Variants in TNS3 observed in about 807,000 individuals in gnomAD.
TNS3 encodes the protein tensin 3.
A neutral mutation model predicts 140.9 loss-of-function variants in TNS3; 45 were observed. The observed-to-expected ratio is 0.32, with a 90% CI of 0.25 to 0.41. The LOEUF is 0.41. Ranked by LOEUF, TNS3 falls within the 10% of genes least tolerant of loss-of-function variation. The probability of loss-of-function intolerance (pLI) is 1.00; values close to 1 mark genes in which losing one functional copy is unlikely to be tolerated. For missense variants in TNS3, 1,716 were observed against 1,906.7 expected, an observed-to-expected ratio of 0.90 and a Z score of 1.86; for synonymous variants, 815 against 788.4, an observed-to-expected ratio of 1.03 and a Z score of -0.56.
intron 1 of TNS3, among the ~76,000 whole-genome samples, chr7:47,542,940 A>AG (rs1186550178): frequency 6.6e-6 from 1 of 151,642 alleles, no homozygotes; most frequent in Non-Finnish European, 1.5e-5. Flanking sequence ...AAAAAAAAAA[A>AG]AAGGCACTTT....
chr7:47,442,661 C>T (rs1795524108), intron 4 of TNS3, among the ~76,000 whole-genome samples: 1 of 152,142 alleles, frequency 6.6e-6, no homozygotes, highest in Admixed American at 6.5e-5. Context: ...GAAATTGGGA[C>T]TCAAAGAGGG....
At chr7:47,533,125 T>TATACATATA (rs59392228) in intron 1 of TNS3, among the ~76,000 whole-genome samples, 1 of 60,682 alleles carries the variant, frequency 1.6e-5, no homozygotes, top group East Asian at 4.2e-4. Flanking sequence ...ATATATATAT[T>TATACATATA]TTTTTTTTTT....
At position 47,530,838 on chromosome 7, in the gene TNS3, A is replaced by ATATATATAT. The variant is rs1554350246; in HGVS notation, c.-264-1692_-264-1691insATATATATA. ...AACTCCATCTCAAAAAAAAAAAAAA[A>ATATATATAT]ATATATATATATATATATATTTCTA... On this transcript the variant is annotated intron_variant, in intron 1 of 30. Transcript: ENST00000311160. Among the ~76,000 whole-genome samples the ATATATATAT allele has an allele frequency of 9.5e-4, 52 of 54,536 alleles. 1 individual carries two copies. Among genetic ancestry groups the ATATATATAT allele is most frequent in the African/African-American group, 3.2e-3 (41 of 12,658 alleles). 35.8% of individuals were successfully genotyped at this position (54,536 alleles called of 152,430 possible). A position where few individuals can be genotyped will look rare whatever the true frequency, so the allele number is the denominator to read the frequency against.
At chr7:47,328,753 A>G (rs572116408) in intron 20 of TNS3, among the ~76,000 whole-genome samples, 3 of 152,214 alleles carry the variant, frequency 2.0e-5, no homozygotes, top group Non-Finnish European at 2.9e-5. Context: ...GGACCTTCCA[A>G]TGCAAATCCC....
chr7:47,286,759 T>A (rs1171132004), intron 27 of TNS3, among the ~76,000 whole-genome samples: 1 of 152,102 alleles, frequency 6.6e-6, no homozygotes, highest in African/African-American at 2.4e-5. Flanking sequence ...AGAAACATGG[T>A]AAATGAACAT....
intron 17 of TNS3, among the ~76,000 whole-genome samples, chr7:47,346,972 ATTCTG>A (rs1256125789): frequency 6.6e-6 from 1 of 152,120 alleles, no homozygotes; most frequent in Admixed American, 6.5e-5. Context: ...TCTTGACCAA[ATTCTG>A]TTCTTTTTGT....
intron 3 of TNS3, among the ~76,000 whole-genome samples, chr7:47,486,239 AG>A (rs1052254597): frequency 1.6e-4 from 25 of 151,904 alleles, no homozygotes; most frequent in African/African-American, 5.8e-4. Context: ...GTAAAAGTGT[AG>A]GGGGTGTGAG....
chr7:47,529,423 A>G (rs1418931189), intron 1 of TNS3, among the ~76,000 whole-genome samples: 5 of 152,226 alleles, frequency 3.3e-5, no homozygotes, highest in Non-Finnish European at 7.3e-5. Context: ...GAAACATTAC[A>G]TCAACCAACA....
chr7:47,339,155 T>C (rs1472349758), intron 20 of TNS3, among the ~76,000 whole-genome samples: 1 of 152,208 alleles, frequency 6.6e-6, no homozygotes, highest in East Asian at 1.9e-4. Context: ...CTCTGCAGTT[T>C]GTCTTTTTTA....
At chr7:47,477,271 C>T (rs1004840141) in intron 4 of TNS3, among the ~76,000 whole-genome samples, 9 of 152,132 alleles carry the variant, frequency 5.9e-5, no homozygotes, top group Non-Finnish European at 1.0e-4. Flanking sequence ...TTGACAGACC[C>T]GGCAGCTCAC....
At chr7:47,551,926 AC>A (rs1231038401) in intron 1 of TNS3, among the ~76,000 whole-genome samples, 1 of 152,002 alleles carries the variant, frequency 6.6e-6, no homozygotes, top group East Asian at 1.9e-4. Flanking sequence ...AGGCTACAAA[AC>A]CGTGTGTCCA....
chr7:47,565,206 T>G (rs1800403436), intron 1 of TNS3, among the ~76,000 whole-genome samples: 1 of 151,268 alleles, frequency 6.6e-6, no homozygotes. Flanking sequence ...GCCTCCTGAG[T>G]AGCTGGGACT....
intron 3 of TNS3, among the ~76,000 whole-genome samples, chr7:47,490,107 TTGA>T (rs1426774776): frequency 6.6e-6 from 1 of 152,138 alleles, no homozygotes; most frequent in African/African-American, 2.4e-5. Context: ...TAGTATTGAG[TTGA>T]TGAACCGTCT....
At chr7:47,341,842 A>T (rs1201352045) in intron 20 of TNS3, among the ~76,000 whole-genome samples, 1 of 151,856 alleles carries the variant, frequency 6.6e-6, no homozygotes, top group Admixed American at 6.6e-5. Context: ...CTTGCCCAAA[A>T]TTTCCTCTCA....
At chr7:47,498,611 CA>C (rs1414012872) in intron 3 of TNS3, among the ~76,000 whole-genome samples, 1 of 152,198 alleles carries the variant, frequency 6.6e-6, no homozygotes, top group Non-Finnish European at 1.5e-5. Context: ...TATCTTGTTT[CA>C]AAAGATCATA....
chr7:47,530,823 C>CAAAAAAAAA (rs781707373), intron 1 of TNS3, among the ~76,000 whole-genome samples: 7 of 45,004 alleles, frequency 1.6e-4, no homozygotes, highest in African/African-American at 4.8e-4. Context: ...AACTCCATCT[C>CAAAAAAAAA]AAAAAAAAAA....
intron 4 of TNS3, among the ~76,000 whole-genome samples, chr7:47,442,953 A>G (rs772591601): frequency 6.6e-6 from 1 of 152,194 alleles, no homozygotes; most frequent in Non-Finnish European, 1.5e-5. Context: ...ATGAACAGAA[A>G]ACAAATTCTA....
In TNS3 at chr7:47,386,759, C is replaced by T. The variant is rs187066326; in HGVS notation, c.1024+10041G>A. Among the ~76,000 whole-genome samples, 104 of 152,350 alleles carry T rather than the reference C, an allele frequency of 6.8e-4. 1 individual carries two copies. The highest frequency in any genetic ancestry group is 9.7e-4 in the Non-Finnish European group (66 of 68,016). On this transcript the variant is annotated intron_variant, in intron 16 of 30. Transcript: ENST00000311160. ...CAAAGTAGGTCAGAATTGCTCCTAT[C>T]GGCAAGATAAACTGAGCAAGTCTGA...
At chr7:47,570,596 T>C (rs1325068231) in intron 1 of TNS3, among the ~76,000 whole-genome samples, 1 of 152,096 alleles carries the variant, frequency 6.6e-6, no homozygotes, top group Non-Finnish European at 1.5e-5. Context: ...CCTGGGAAAA[T>C]GTGCCGGCAT....
Sources: gnomAD v4.1 joint callset for allele counts (sites outside exome capture counted in the v4.1 genomes callset) on GRCh38, gnomAD v4.1.1 for gene constraint, MANE v1.5 for transcripts, NCBI Gene and HGNC (gene_info 2026-07-23, HGNC 2026-07-21) for gene names.